The following CHST15 variants were observed in gnomAD, a reference collection of about 807,000 sequenced individuals.
CHST15 encodes the protein carbohydrate sulfotransferase 15.
CHST15 carries 30 observed loss-of-function variants against 53.6 expected under a neutral mutation model. The observed-to-expected ratio is 0.56, with a 90% CI of 0.42 to 0.76. The LOEUF (loss-of-function observed/expected upper bound fraction) is 0.76. Ranked by LOEUF, CHST15 falls within the 30% of genes least tolerant of loss-of-function variation. CHST15 has a pLI of 0.00. For missense variants in CHST15, 627 were observed against 740.5 expected, an observed-to-expected ratio of 0.85 and a Z score of 1.78; for synonymous variants, 296 against 289.8, an observed-to-expected ratio of 1.02 and a Z score of -0.22.
At chr10:124,081,297 C>T (rs1328986182) in intron 1 of CHST15, among the ~76,000 whole-genome samples, 2 of 152,192 alleles carry the variant, frequency 1.3e-5, no homozygotes, top group South Asian at 2.1e-4. Flanking sequence ...GCTAAGTTCC[C>T]TCAGCGTTTC....
intron 2 of CHST15, among the ~76,000 whole-genome samples, chr10:124,045,126 A>AAAAAAC (rs1554911445): frequency 2.3e-5 from 3 of 128,660 alleles, no homozygotes; most frequent in East Asian, 2.3e-4. Flanking sequence ...AAAAAAAAAA[A>AAAAAAC]AAAAAAAAAA....
chr10:124,088,927 G>C (rs960301990), intron 1 of CHST15, among the ~76,000 whole-genome samples: 1 of 152,162 alleles, frequency 6.6e-6, no homozygotes, highest in Non-Finnish European at 1.5e-5. Flanking sequence ...CTCCTGCTGT[G>C]GAGACACAGG....
rs781654098 is a variant in CHST15 at position 124,007,940 on chromosome 10, G to A, written c.*2209C>T. 136 of 1,231,068 alleles carry A rather than the reference G, an allele frequency of 1.1e-4. No homozygotes were observed. The highest frequency in any genetic ancestry group is 4.1e-4 in the East Asian group (13 of 31,610). The allele number at this position is 1,231,068 out of a possible 1,614,324, so 76.3% of individuals were successfully genotyped here. A position where few individuals can be genotyped will look rare whatever the true frequency, so the allele number is the denominator to read the frequency against. On this transcript the variant is annotated 3_prime_UTR_variant, in exon 8 of 8. Coordinates refer to ENST00000435907, the MANE Select transcript of CHST15 (RefSeq NM_001270764.2). Reference sequence around the variant, plus strand: ...GGAACCTATTCTGTCAGCAAGAGCCGGGCCTCGAATGAGAGGAAGCAGAGG... The same window carrying A: ...GGAACCTATTCTGTCAGCAAGAGCCAGGCCTCGAATGAGAGGAAGCAGAGG...
chr10:124,042,502 G>A (rs1564877606), intron 3 of CHST15, 55 bp from the exon 4 acceptor site: 21 of 1,585,764 alleles, frequency 1.3e-5, no homozygotes, highest in South Asian at 5.6e-5. Context: ...CTGCTGGAGC[G>A]ATGGCCTCCC....
intron 4 of CHST15, among the ~76,000 whole-genome samples, 163 bp downstream of exon 4, chr10:124,042,138 T>C (rs1449293386): frequency 6.6e-6 from 1 of 152,224 alleles, no homozygotes; most frequent in Non-Finnish European, 1.5e-5. Context: ...ACATTTTATG[T>C]AGTGGTAAGA....
At position 124,007,959 on chromosome 10, in the gene CHST15, G is replaced by C; in HGVS notation, c.*2190C>G. The C allele has an allele frequency of 1.6e-6, 2 of 1,218,640 alleles. No individual in the cohort carries two copies. The highest frequency in any genetic ancestry group is 2.0e-6 in the Non-Finnish European group (2 of 985,326). The allele number at this position is 1,218,640 out of a possible 1,614,324, so 75.5% of individuals were successfully genotyped here. A position where few individuals can be genotyped will look rare whatever the true frequency, so the allele number is the denominator to read the frequency against. ...AGAGCCGGGCCTCGAATGAGAGGAA[G>C]CAGAGGCAGCCGAAGTGCCCTCTGG... On this transcript the variant is annotated 3_prime_UTR_variant, in exon 8 of 8. Coordinates refer to ENST00000435907, the MANE Select transcript of CHST15 (RefSeq NM_001270764.2).
At chr10:124,090,908 A>C (rs2134273854) in intron 1 of CHST15, among the ~76,000 whole-genome samples, 1 of 152,342 alleles carries the variant, frequency 6.6e-6, no homozygotes, top group South Asian at 2.1e-4. Context: ...CAATCATCCA[A>C]AGCCCAGAGG....
Position 124,036,220 on chromosome 10 carries a change from T to A in CHST15, c.1190+2295A>T, listed in dbSNP as rs918504025. ...GCTCGAGGTGACAGTTATGTCACCATGAGAGCTCGGCTAGTGTGCGTCAGC... is the reference window on the plus strand; with the variant it reads ...GCTCGAGGTGACAGTTATGTCACCAAGAGAGCTCGGCTAGTGTGCGTCAGC... On this transcript the variant is annotated intron_variant, in intron 5 of 7. Coordinates refer to ENST00000435907, the MANE Select transcript of CHST15 (RefSeq NM_001270764.2). The surrounding 1 kb of genome is among the most constrained non-coding windows in gnomAD (Gnocchi z 5.1). Among the ~76,000 whole-genome samples the A allele has an allele frequency of 6.6e-5, 10 of 152,154 alleles. No individual in the cohort carries two copies. The highest frequency in any genetic ancestry group is 2.2e-4 in the African/African-American group (9 of 41,438).
intron 5 of CHST15, among the ~76,000 whole-genome samples, chr10:124,022,261 C>T (rs1051786559): frequency 3.4e-4 from 52 of 152,240 alleles, no homozygotes; most frequent in Non-Finnish European, 3.1e-4. Context: ...CAGGCCAGAA[C>T]AGAGTCATCT....
intron 1 of CHST15, among the ~76,000 whole-genome samples, chr10:124,082,729 T>C (rs188715512): frequency 2.5e-3 from 383 of 152,346 alleles, no homozygotes; most frequent in African/African-American, 8.9e-3. Flanking sequence ...TGGAATATTA[T>C]TCAGCCATGA....
intron 4 of CHST15, among the ~76,000 whole-genome samples, chr10:124,040,067 A>G (rs1488522222): frequency 6.6e-6 from 1 of 152,160 alleles, no homozygotes; most frequent in African/African-American, 2.4e-5. Flanking sequence ...AAACGAGTCA[A>G]TCAGAAGTCC....
Position 124,015,399 on chromosome 10 carries a change from G to A in CHST15, c.1348-2919C>T, listed in dbSNP as rs954138542. 2.1e-4 allele frequency among the ~76,000 whole-genome samples: 17 copies of A among 80,806 alleles called. No individual in the cohort carries two copies. The East Asian group carries it at 5.9e-3, about 28-fold the overall frequency. 53.0% of individuals were successfully genotyped at this position (80,806 alleles called of 152,430 possible). On this transcript the variant is annotated intron_variant, in intron 6 of 7. Transcript: ENST00000435907. ...AAACATGGAGGTGCAGGGCAGGGCG[G>A]GGGGGGCTACTCAGGGTCAGTGGCC...
chr10:124,086,921 G>C (rs1246786499), intron 1 of CHST15, among the ~76,000 whole-genome samples: 1 of 152,178 alleles, frequency 6.6e-6, no homozygotes, highest in Non-Finnish European at 1.5e-5. Flanking sequence ...GTGGATCCCA[G>C]GCTCAACCCA....
chr10:124,082,905 G>A (rs540864374), intron 1 of CHST15, among the ~76,000 whole-genome samples: 2 of 152,334 alleles, frequency 1.3e-5, no homozygotes, highest in Admixed American at 1.3e-4. Flanking sequence ...ATTTGTGGTT[G>A]CTCAAGGCTG....
intron 5 of CHST15, among the ~76,000 whole-genome samples, chr10:124,038,180 C>A (rs899027849): frequency 2.6e-5 from 4 of 151,712 alleles, no homozygotes; most frequent in African/African-American, 7.3e-5. Flanking sequence ...CATCTTGGCC[C>A]ACTGCAGCCT....
At chr10:124,055,584 G>T (rs1477563684) in intron 1 of CHST15, among the ~76,000 whole-genome samples, 4 of 152,202 alleles carry the variant, frequency 2.6e-5, no homozygotes, top group Admixed American at 6.5e-5. Flanking sequence ...TAACACCCAA[G>T]TTCTACAGTA....
At chr10:124,063,188 GC>G (rs939961913) in intron 1 of CHST15, among the ~76,000 whole-genome samples, 103 of 152,232 alleles carry the variant, frequency 6.8e-4, no homozygotes, top group African/African-American at 2.4e-3. Flanking sequence ...TTTGAGACCA[GC>G]CTGACCAACA....
At chr10:124,082,065 T>C (rs952419179) in intron 1 of CHST15, among the ~76,000 whole-genome samples, 3 of 152,076 alleles carry the variant, frequency 2.0e-5, no homozygotes, top group Admixed American at 1.3e-4. Flanking sequence ...GATGGGGAGA[T>C]GTTCTGGGCC....
intron 6 of CHST15, 126 bp downstream of exon 6, chr10:124,021,130 C>A: frequency 6.6e-7 from 1 of 1,520,780 alleles, no homozygotes; most frequent in South Asian, 1.2e-5. Context: ...AGCATTTGCA[C>A]ATTAAAACGC....
Sources: allele counts gnomAD v4.1 joint callset (sites outside exome capture counted in the v4.1 genomes callset), GRCh38; gene constraint gnomAD v4.1.1; non-coding constraint Gnocchi (gnomAD v3.1); transcripts MANE v1.5; gene names NCBI Gene and HGNC (gene_info 2026-07-23, HGNC 2026-07-21).